PCMT1: variants seen among roughly 807,000 people sequenced by gnomAD.
PCMT1 encodes protein-L-isoaspartate (D-aspartate) O-methyltransferase.
PCMT1 carries 9 observed loss-of-function variants against 29.2 expected under a neutral mutation model. That is an observed-to-expected ratio of 0.31 (90% CI 0.19 to 0.54). PCMT1 has a LOEUF of 0.54. PCMT1 is among the 20% of genes least tolerant of loss of function. The pLI, the probability that PCMT1 is intolerant of heterozygous loss-of-function variation, is 0.95. For missense variants in PCMT1, 184 were observed against 282.2 expected, an observed-to-expected ratio of 0.65 and a Z score of 2.49; for synonymous variants, 98 against 97.5, an observed-to-expected ratio of 1.00 and a Z score of -0.03.
rs749837861 is a variant in PCMT1, at chr6:149,793,630, G to A, written c.379G>A (p.Asp127Asn). ...CTCAGTAAATAATGTCAGGAAGGAC[G>A]ATCCAACACTTCTGTCTTCAGGGAG... is the stretch of plus-strand genomic sequence containing the variant. Reference protein sequence around the residue: ...DDSVNNVRKDDPTLLSSGRVQ... With the variant: ...DDSVNNVRKDNPTLLSSGRVQ... Residue 127 changes from aspartate to asparagine, a missense_variant, in exon 5 of 8, where the codon GAT becomes AAT. Asp to Asn is a conservative substitution (Grantham distance 23). Transcript: ENST00000464889. 40 of 1,565,668 alleles carry A rather than the reference G, an allele frequency of 2.6e-5. No individual in the cohort carries two copies. The South Asian group carries it at 4.5e-4, about 18-fold the overall frequency.
chr6:149,766,996 G>A (rs1260310218), intron 1 of PCMT1, among the ~76,000 whole-genome samples: 1 of 152,040 alleles, frequency 6.6e-6, no homozygotes, highest in African/African-American at 2.4e-5. Context: ...GGATCACGAG[G>A]TCAGGAGTTC....
intron 5 of PCMT1, 129 bp downstream of exon 5, chr6:149,793,798 TAAA>T: frequency 2.6e-6 from 2 of 759,404 alleles, no homozygotes; most frequent in Non-Finnish European, 1.9e-6. Flanking sequence ...TACTAAAAAA[TAAA>T]AACGATTATT....
Position 149,811,022 on chromosome 6 carries a change from A to C in PCMT1, c.*444A>C, listed in dbSNP as rs1319176166. On this transcript the variant is annotated 3_prime_UTR_variant, in exon 8 of 8. Transcript: ENST00000464889. ...TGCATTGGATAACACCACCATTCAC[A>C]AGTTAAGATTCTTGGTATTTGGATA... 6.1e-6 allele frequency: 1 copy of C among 163,058 alleles called. No homozygotes were observed. The highest frequency in any genetic ancestry group is 1.3e-5 in the Non-Finnish European group (1 of 75,578). 10.1% of individuals were successfully genotyped at this position (163,058 alleles called of 1,614,324 possible). A position where few individuals can be genotyped will look rare whatever the true frequency, so the allele number is the denominator to read the frequency against.
intron 6 of PCMT1, among the ~76,000 whole-genome samples, chr6:149,798,780 A>G (rs1424959428): frequency 6.6e-6 from 1 of 152,218 alleles, no homozygotes; most frequent in African/African-American, 2.4e-5. Flanking sequence ...TTGCACTGCA[A>G]AACTCTGAAA....
Position 149,784,263 on chromosome 6 carries a change from G to T in PCMT1, c.193-5691G>T, listed in dbSNP as rs1787932595. 2.6e-5 allele frequency among the ~76,000 whole-genome samples: 4 copies of T among 152,164 alleles called. No homozygotes were observed. In the South Asian group the frequency reaches 8.3e-4, roughly 32 times the overall value. On this transcript the variant is annotated intron_variant, in intron 3 of 7. Transcript: ENST00000464889. The stretch of plus-strand genomic sequence containing the variant: ...CCTTCTCTCCATATATAAGTTGGGG[G>T]AAAAGATAGCTTTAACTTTTTAAAA...
intron 6 of PCMT1, among the ~76,000 whole-genome samples, chr6:149,800,880 G>C (rs1037738052): frequency 6.6e-6 from 1 of 152,160 alleles, no homozygotes; most frequent in Non-Finnish European, 1.5e-5. Context: ...AGAATTCTAT[G>C]CTCTGCCTTT....
At chr6:149,772,846 T>A (rs2115256122) in intron 2 of PCMT1, among the ~76,000 whole-genome samples, 1 of 150,888 alleles carries the variant, frequency 6.6e-6, no homozygotes, top group South Asian at 2.1e-4. Flanking sequence ...TGAAACCCCG[T>A]CTCTACTAAA....
chr6:149,752,684 A>G lies in PCMT1; in HGVS notation c.55+2728A>G, dbSNP rs192033388. The stretch of plus-strand genomic sequence containing the variant: ...CCTTAACATGATCTCAGTGCCTTCT[A>G]TTGCAGTATATGTACCTGAAACATT... On this transcript the variant is annotated intron_variant, in intron 1 of 7. Transcript: ENST00000464889. Among the ~76,000 whole-genome samples, 972 of 152,310 alleles carry G rather than the reference A, an allele frequency of 6.4e-3. 12 individuals are homozygous for G. Among genetic ancestry groups the G allele is most frequent in the African/African-American group, 0.022 (920 of 41,568 alleles).
intron 1 of PCMT1, among the ~76,000 whole-genome samples, chr6:149,757,235 G>A (rs1786545302): frequency 6.6e-6 from 1 of 152,116 alleles, no homozygotes; most frequent in South Asian, 2.1e-4. Context: ...TAGCCACATG[G>A]AGCTAGTGCC....
chr6:149,752,633 A>T (rs1786368597), intron 1 of PCMT1, among the ~76,000 whole-genome samples: 1 of 152,192 alleles, frequency 6.6e-6, no homozygotes, highest in Non-Finnish European at 1.5e-5. Flanking sequence ...TAAGCTCAAT[A>T]TGTTGTAAAT....
intron 1 of PCMT1, among the ~76,000 whole-genome samples, chr6:149,758,946 G>A (rs140884959): frequency 1.3e-5 from 2 of 151,728 alleles, no homozygotes; most frequent in African/African-American, 2.4e-5. Flanking sequence ...GCGCGATCTC[G>A]GCTCACGACA....
In PCMT1 at chr6:149,762,917, A is replaced by G. The variant is rs568117262; in HGVS notation, c.56-8245A>G. Among the ~76,000 whole-genome samples the G allele has an allele frequency of 9.3e-5, 5 of 53,618 alleles. No homozygotes were observed. The South Asian group carries it at 1.8e-3, about 19-fold the overall frequency. 35.2% of individuals were successfully genotyped at this position (53,618 alleles called of 152,430 possible). A position where few individuals can be genotyped will look rare whatever the true frequency, so the allele number is the denominator to read the frequency against. Reference sequence around the variant, plus strand: ...TATCTATGATATATATCTATGATATATATATCTATGATATATATGATATAT... The same window carrying G: ...TATCTATGATATATATCTATGATATGTATATCTATGATATATATGATATAT... On this transcript the variant is annotated intron_variant, in intron 1 of 7. Coordinates refer to ENST00000464889, the MANE Select transcript of PCMT1 (RefSeq NM_001360452.2).
At chr6:149,805,801 C>T (rs754523430) in intron 7 of PCMT1, among the ~76,000 whole-genome samples, 39 of 151,494 alleles carry the variant, frequency 2.6e-4, no homozygotes, top group Non-Finnish European at 1.0e-4. Flanking sequence ...ATTAGCTGGG[C>T]GTGGTGGCAG....
chr6:149,769,280 G>C (rs896000126), intron 1 of PCMT1, among the ~76,000 whole-genome samples: 2 of 144,788 alleles, frequency 1.4e-5, no homozygotes, highest in Admixed American at 1.4e-4. Context: ...GGAGGAAAAG[G>C]GGAGTTAGCA....
At chr6:149,782,539 A>G (rs1787854755) in intron 3 of PCMT1, among the ~76,000 whole-genome samples, 2 of 152,232 alleles carry the variant, frequency 1.3e-5, no homozygotes, top group Non-Finnish European at 2.9e-5. Context: ...ACTGCTTACT[A>G]AAAGAGTCAA....
intron 1 of PCMT1, among the ~76,000 whole-genome samples, chr6:149,764,008 CT>C (rs1786967242): frequency 6.6e-6 from 1 of 152,134 alleles, no homozygotes; most frequent in Admixed American, 6.6e-5. Context: ...TAATGGAACT[CT>C]TTTAGAAGAG....
intron 3 of PCMT1, among the ~76,000 whole-genome samples, chr6:149,777,384 A>G (rs562507718): frequency 6.6e-6 from 1 of 152,208 alleles, no homozygotes. Flanking sequence ...ACATCATCGT[A>G]AAGTCGAGAA....
At chr6:149,806,124 C>T (rs1466347949) in intron 7 of PCMT1, among the ~76,000 whole-genome samples, 1 of 152,062 alleles carries the variant, frequency 6.6e-6, no homozygotes, top group Non-Finnish European at 1.5e-5. Context: ...GTGAATTCAA[C>T]CAATATGCAT....
chr6:149,752,259 G>GTGA (rs1373913805), intron 1 of PCMT1, among the ~76,000 whole-genome samples: 2 of 151,680 alleles, frequency 1.3e-5, no homozygotes, highest in Non-Finnish European at 2.9e-5. Context: ...GTGCAATGGC[G>GTGA]TGATCTTGGC....
Sources: gnomAD v4.1 joint callset for allele counts (sites outside exome capture counted in the v4.1 genomes callset) on GRCh38, gnomAD v4.1.1 for gene constraint, MANE v1.5 for transcripts, NCBI Gene and HGNC (gene_info 2026-07-23, HGNC 2026-07-21) for gene names.